HACL1: variants seen among roughly 807,000 people sequenced by gnomAD.
HACL1 encodes 2-hydroxyacyl-CoA lyase 1, also known as 1600020H07Rik.
In HACL1, 64 loss-of-function variants were observed where a neutral mutation model predicts 74.2. The observed-to-expected ratio is 0.86, with a 90% confidence interval of 0.70 to 1.06. The LOEUF (loss-of-function observed/expected upper bound fraction) is 1.06. HACL1 is among the 50% of genes least tolerant of loss of function. The pLI, the probability that HACL1 is intolerant of heterozygous loss-of-function variation, is 0.00. For synonymous variants in HACL1, 230 were observed against 238.8 expected, an observed-to-expected ratio of 0.96 and a Z score of 0.34; for missense variants, 728 against 719.7, an observed-to-expected ratio of 1.01 and a Z score of -0.13.
At chr3:15,563,275 G>T in intron 16 of HACL1, 83 bp downstream of exon 16, 1 of 860,418 alleles carries the variant, frequency 1.2e-6, no homozygotes, top group Non-Finnish European at 1.9e-6. Flanking sequence ...ATGATAGAGG[G>T]TGTTCTGTTT....
chr3:15,601,457 C>T lies in HACL1; in HGVS notation c.7G>A (p.Asp3Asn). 1 of 1,613,204 alleles carries T rather than the reference C, an allele frequency of 6.2e-7. No individual in the cohort carries two copies. The highest frequency in any genetic ancestry group is 8.5e-7 in the Non-Finnish European group (1 of 1,180,036). Residue 3 changes from aspartate (D) to asparagine (N), a missense_variant, in exon 1 of 17, where the codon GAC becomes AAC. Asp to Asn is a conservative substitution (Grantham distance 23). Transcript: ENST00000321169. MP[D>N]SNFAERSEEQ... The stretch of plus-strand genomic sequence containing the variant: ...TCGCTGCGCTCTGCGAAGTTACTGT[C>T]CGGCATCTTCCACCGAAAAGCTCTA...
intron 5 of HACL1, among the ~76,000 whole-genome samples, chr3:15,587,932 C>T (rs943103661): frequency 6.6e-6 from 1 of 152,124 alleles, no homozygotes; most frequent in Non-Finnish European, 1.5e-5. Context: ...TCACTCTTGT[C>T]ACCCAGACTG....
chr3:15,578,741 G>C (rs140860725), intron 9 of HACL1, among the ~76,000 whole-genome samples: 42 of 152,326 alleles, frequency 2.8e-4, no homozygotes, highest in African/African-American at 9.9e-4. Context: ...TCATCTTTGA[G>C]GCAAGAGGGA....
At chr3:15,589,724 A>G (rs531515809) in intron 4 of HACL1, 112 bp from the exon 5 acceptor site, 4 of 760,824 alleles carry the variant, frequency 5.3e-6, no homozygotes, top group East Asian at 2.6e-5. Context: ...AGAGAATATT[A>G]TATTTTTTTC....
intron 10 of HACL1, 103 bp downstream of exon 10, chr3:15,574,874 G>GT (rs1051766599): frequency 1.3e-5 from 7 of 531,156 alleles, no homozygotes; most frequent in Admixed American, 3.1e-5. Flanking sequence ...AAAGAGAACA[G>GT]TTTTTTTAAT....
Position 15,568,502 on chromosome 3 carries a change from C to A in HACL1, c.1180G>T (p.Val394Leu), listed in dbSNP as rs370023923. The change falls in exon 13 of 17, where the codon GTG (valine) becomes TTG (leucine). Residue 394 changes from valine (V) to leucine (L), a missense_variant. Transcript: ENST00000321169. ...VQEQLPRDCF[V>L]VSEGANTMDI... ...ATAGTATTTGCTCCTTCACTTACCA[C>A]GAAACAGTCTCTAGGTAGTTGTTCT... The A allele has an allele frequency of 6.3e-6, 10 of 1,598,844 alleles. No individual in the cohort carries two copies. The highest frequency in any genetic ancestry group is 1.7e-4 in the Middle Eastern group (1 of 6,034).
chr3:15,564,736 TTAAAAA>T, intron 14 of HACL1, 78 bp from the exon 15 acceptor site: 1 of 634,484 alleles, frequency 1.6e-6, no homozygotes, highest in South Asian at 2.1e-5. Flanking sequence ...AAACTTTAAC[TTAAAAA>T]TGAATAGTTT....
intron 11 of HACL1, among the ~76,000 whole-genome samples, chr3:15,572,565 G>C (rs1311013901): frequency 6.6e-6 from 1 of 152,228 alleles, no homozygotes; most frequent in African/African-American, 2.4e-5. Context: ...AAATGCTCCA[G>C]AGTGATTTAA....
chr3:15,593,156 CACAT>C (rs1408147047), intron 3 of HACL1, among the ~76,000 whole-genome samples: 4 of 149,026 alleles, frequency 2.7e-5, no homozygotes, highest in Non-Finnish European at 4.5e-5. Flanking sequence ...CACACATACA[CACAT>C]ACGTATATAT....
intron 3 of HACL1, chr3:15,596,007 GTAGT>G (rs1006186388): frequency 2.5e-5 from 4 of 162,210 alleles, no homozygotes; most frequent in East Asian, 1.7e-4. Context: ...AAAGGGGGTG[GTAGT>G]TAGGTAACAT....
At chr3:15,586,721 T>C in intron 5 of HACL1, 119 bp from the exon 6 acceptor site, 1 of 653,388 alleles carries the variant, frequency 1.5e-6, no homozygotes, top group Non-Finnish European at 2.8e-6. Flanking sequence ...GGAGAAAATA[T>C]ATTGCCTAGA....
At chr3:15,600,287 G>T (rs1018629152) in intron 2 of HACL1, among the ~76,000 whole-genome samples, 1 of 152,242 alleles carries the variant, frequency 6.6e-6, no homozygotes, top group African/African-American at 2.4e-5. Context: ...TGGGCAAGAG[G>T]AGGCAAGAAT....
chr3:15,598,265 C>T (rs529242534), intron 2 of HACL1, among the ~76,000 whole-genome samples: 1 of 152,282 alleles, frequency 6.6e-6, no homozygotes, highest in East Asian at 1.9e-4. Flanking sequence ...AGGTGATCTG[C>T]CTGCCTCAGC....
intron 15 of HACL1, 81 bp from the exon 16 acceptor site, chr3:15,563,625 A>T: frequency 1.1e-6 from 1 of 872,122 alleles, no homozygotes; most frequent in Non-Finnish European, 1.8e-6. Context: ...ATACTTCATT[A>T]AAAAAATTTC....
intron 4 of HACL1, among the ~76,000 whole-genome samples, chr3:15,591,183 T>C (rs2063886114): frequency 1.3e-5 from 2 of 152,252 alleles, no homozygotes; most frequent in African/African-American, 4.8e-5. Context: ...TACCATATGA[T>C]ATTTTGATGT....
chr3:15,585,291 G>T lies in HACL1; in HGVS notation c.511C>A (p.Pro171Thr). The change falls in exon 7 of 17, where the codon CCA becomes ACA. Residue 171 changes from proline (P) to threonine (T), a missense_variant. Pro to Thr is a conservative substitution (Grantham distance 38, BLOSUM62 -1). Transcript: ENST00000321169. ...GRPGACYVDI[P>T]ADFVNLQVNV... Reference sequence around the variant, plus strand: ...ACCTGAAGGTTCACAAAATCTGCTGGTATGTCAACATAGCAAGCACCTGGA... The same window carrying T: ...ACCTGAAGGTTCACAAAATCTGCTGTTATGTCAACATAGCAAGCACCTGGA... The T allele has an allele frequency of 1.2e-6, 2 of 1,603,844 alleles. No homozygotes were observed. The highest frequency in any genetic ancestry group is 1.7e-6 in the Non-Finnish European group (2 of 1,170,756).
At chr3:15,578,325 T>A (rs1469064567) in intron 9 of HACL1, among the ~76,000 whole-genome samples, 1 of 152,104 alleles carries the variant, frequency 6.6e-6, no homozygotes, top group Non-Finnish European at 1.5e-5. Flanking sequence ...TATTTCATAA[T>A]AAAGACATTT....
intron 2 of HACL1, among the ~76,000 whole-genome samples, chr3:15,599,706 T>C (rs537937765): frequency 2.0e-5 from 3 of 152,158 alleles, no homozygotes; most frequent in Admixed American, 2.0e-4. Context: ...ATTGTGAGAG[T>C]TATAATAGAT....
Position 15,587,370 on chromosome 3 carries a change from T to C in HACL1, c.382-768A>G, listed in dbSNP as rs561526528. On this transcript the variant is annotated intron_variant, in intron 5 of 16. Transcript: ENST00000321169. ...CCTCAGATCTATATATCTTGAGGCA[T>C]TATATAGAAACTGTTTCTCTTGATG... Among the ~76,000 whole-genome samples, 8 of 149,804 alleles carry C rather than the reference T, an allele frequency of 5.3e-5. No homozygotes were observed. In the South Asian group the frequency reaches 1.5e-3, roughly 28 times the overall value.
Sources: allele counts gnomAD v4.1 joint callset (sites outside exome capture counted in the v4.1 genomes callset), GRCh38; gene constraint gnomAD v4.1.1; transcripts MANE v1.5; gene names NCBI Gene and HGNC (gene_info 2026-07-23, HGNC 2026-07-21).